The following WWOX variants were observed in gnomAD, a reference collection of about 807,000 sequenced individuals.
The protein encoded by WWOX is WW domain-containing oxidoreductase.
A neutral mutation model predicts 46.2 loss-of-function variants in WWOX; 69 were observed. The ratio of observed to expected loss-of-function variants is 1.49; its 90% confidence interval spans 1.23 to 1.82. WWOX has a LOEUF of 1.82. Among genes scored for constraint, WWOX ranks in the 40% most tolerant of loss-of-function variants. The pLI, the probability that WWOX is intolerant of heterozygous loss-of-function variation, is 0.00. For synonymous variants in WWOX, 359 were observed against 202.6 expected (o/e 1.77, Z -6.56); for missense variants, 919 against 542.6 (o/e 1.69, Z -6.89).
chr16:78,435,688 C>T (rs191319645), intron 8 of WWOX, among the ~76,000 whole-genome samples: 1 of 152,090 alleles, frequency 6.6e-6, no homozygotes, highest in Non-Finnish European at 1.5e-5. Context: ...GGTGGCAAGA[C>T]AAGAAAGTGG....
At position 78,697,188 on chromosome 16, in the gene WWOX, G is replaced by C. The variant is rs150545822; in HGVS notation, c.1056+264436G>C. 5.2e-3 allele frequency among the ~76,000 whole-genome samples: 798 copies of C among 152,282 alleles called. 10 individuals carry two copies. The highest frequency in any genetic ancestry group is 0.018 in the African/African-American group (763 of 41,548). ...CCTCTGGGAAGATACCCATTAGTGG[G>C]ATTGCTGGATCAAATGGTAGTTCTA... On this transcript the variant is annotated intron_variant, in intron 8 of 8. Transcript: ENST00000566780.
intron 8 of WWOX, among the ~76,000 whole-genome samples, chr16:78,901,774 C>T (rs995521181): frequency 1.3e-5 from 2 of 152,244 alleles, no homozygotes; most frequent in African/African-American, 4.8e-5. Context: ...CAGGCGTGAG[C>T]CACTGCGCCT....
chr16:78,399,838 C>T (rs571499899), intron 6 of WWOX, among the ~76,000 whole-genome samples: 1 of 152,308 alleles, frequency 6.6e-6, no homozygotes, highest in South Asian at 2.1e-4. Context: ...ACACTGAAAT[C>T]ACATTTTAAT....
chr16:78,876,429 C>T (rs1205691922), intron 8 of WWOX, among the ~76,000 whole-genome samples: 1 of 149,674 alleles, frequency 6.7e-6, no homozygotes, highest in Non-Finnish European at 1.5e-5. Context: ...CACCAGTTCT[C>T]TGTTGTTAAT....
chr16:78,175,098 G>T (rs1289808909), intron 5 of WWOX, among the ~76,000 whole-genome samples: 1 of 151,978 alleles, frequency 6.6e-6, no homozygotes, highest in Admixed American at 6.6e-5. Context: ...CCTTCCATCC[G>T]TAGAGGGCAG....
chr16:79,168,105 C>A (rs143405640), intron 8 of WWOX, among the ~76,000 whole-genome samples: 1 of 152,124 alleles, frequency 6.6e-6, no homozygotes, highest in African/African-American at 2.4e-5. Context: ...CATGGATATA[C>A]CACATCTTGT....
chr16:78,588,268 CAGA>C (rs925753216), intron 8 of WWOX, among the ~76,000 whole-genome samples: 3 of 152,162 alleles, frequency 2.0e-5, no homozygotes, highest in Non-Finnish European at 4.4e-5. Flanking sequence ...AGTTGGCAAA[CAGA>C]AGGAGACCAG....
Position 79,006,713 on chromosome 16 carries a change from C to T in WWOX, c.1057-204895C>T, listed in dbSNP as rs565645917. Among the ~76,000 whole-genome samples the T allele has an allele frequency of 3.9e-5, 6 of 152,180 alleles. No individual in the cohort carries two copies. In the East Asian group the frequency reaches 1.2e-3, roughly 30 times the overall value. Reference sequence around the variant, plus strand: ...TGGGGCTGGGCTTTTTCTGGAGGCCCTAGAGGGCAGCTTGTACCCTTGCGT... The same window carrying T: ...TGGGGCTGGGCTTTTTCTGGAGGCCTTAGAGGGCAGCTTGTACCCTTGCGT... On this transcript the variant is annotated intron_variant, in intron 8 of 8. Coordinates refer to ENST00000566780, the MANE Select transcript of WWOX (RefSeq NM_016373.4).
At chr16:78,668,530 A>G (rs2047386496) in intron 8 of WWOX, among the ~76,000 whole-genome samples, 1 of 152,194 alleles carries the variant, frequency 6.6e-6, no homozygotes, top group Non-Finnish European at 1.5e-5. Flanking sequence ...AAGCAGGAAC[A>G]AACAATTAGA....
intron 8 of WWOX, among the ~76,000 whole-genome samples, chr16:78,712,500 TAA>T (rs558436380): frequency 5.0e-5 from 7 of 138,618 alleles, no homozygotes; most frequent in African/African-American, 8.0e-5. Context: ...GACTCCATCT[TAA>T]AAAAAAAAAA....
intron 8 of WWOX, among the ~76,000 whole-genome samples, chr16:78,859,027 A>AAAAAAAT (rs1555551610): frequency 1.3e-4 from 3 of 23,700 alleles, no homozygotes; most frequent in African/African-American, 5.3e-4. Context: ...AAAAAAAAAA[A>AAAAAAAT]ATATATATAT....
chr16:78,122,237 C>T (rs564776360), intron 4 of WWOX, among the ~76,000 whole-genome samples: 2 of 152,032 alleles, frequency 1.3e-5, no homozygotes, highest in Admixed American at 6.5e-5. Flanking sequence ...ACGCATCTCC[C>T]GAGGATAAGG....
At chr16:79,181,168 T>C (rs2050904421) in intron 8 of WWOX, among the ~76,000 whole-genome samples, 1 of 152,242 alleles carries the variant, frequency 6.6e-6, no homozygotes, top group Non-Finnish European at 1.5e-5. Context: ...ACATGCACTA[T>C]AGGAGTGGAA....
chr16:78,152,161 G>A (rs547068036), intron 4 of WWOX, among the ~76,000 whole-genome samples: 1 of 150,864 alleles, frequency 6.6e-6, no homozygotes, highest in South Asian at 2.1e-4. Flanking sequence ...CTGCACTCCA[G>A]CCTGGGCGAC....
intron 5 of WWOX, among the ~76,000 whole-genome samples, chr16:78,313,266 G>A (rs1353429460): frequency 6.6e-6 from 1 of 152,138 alleles, no homozygotes; most frequent in Non-Finnish European, 1.5e-5. Context: ...TATAAAATAT[G>A]GCTTATAACT....
chr16:79,040,488 C>A (rs1262966492), intron 8 of WWOX, among the ~76,000 whole-genome samples: 1 of 152,048 alleles, frequency 6.6e-6, no homozygotes, highest in Admixed American at 6.6e-5. Flanking sequence ...GTTGCCCAGG[C>A]TGGTCTCGAA....
At chr16:78,807,367 G>C (rs1395179469) in intron 8 of WWOX, among the ~76,000 whole-genome samples, 1 of 152,220 alleles carries the variant, frequency 6.6e-6, no homozygotes, top group Non-Finnish European at 1.5e-5. Flanking sequence ...GACCAGAGCA[G>C]AAGTAAAACT....
At chr16:79,067,293 T>C (rs2048459198) in intron 8 of WWOX, among the ~76,000 whole-genome samples, 1 of 152,182 alleles carries the variant, frequency 6.6e-6, no homozygotes, top group African/African-American at 2.4e-5. Flanking sequence ...AGCTAAAACC[T>C]TTGCAAGGTC....
intron 8 of WWOX, among the ~76,000 whole-genome samples, chr16:78,591,705 C>G (rs951833329): frequency 3.3e-5 from 5 of 152,194 alleles, no homozygotes; most frequent in South Asian, 2.1e-4. Context: ...GGAGAAAAGA[C>G]TGAGATAACT....
Sources: allele counts gnomAD v4.1 joint callset (sites outside exome capture counted in the v4.1 genomes callset), GRCh38; gene constraint gnomAD v4.1.1; transcripts MANE v1.5; gene names NCBI Gene and HGNC (gene_info 2026-07-23, HGNC 2026-07-21).